The following LDB2 variants were observed in gnomAD, a reference collection of about 807,000 sequenced individuals.
LDB2 encodes LIM domain binding 2, also known as LIM domain-binding protein 2.
In LDB2, 12 loss-of-function variants were observed where a neutral mutation model predicts 44.3. The observed-to-expected ratio is 0.27, with a 90% CI of 0.17 to 0.44. The LOEUF (loss-of-function observed/expected upper bound fraction) is 0.44. LDB2 is among the 20% of genes least tolerant of loss of function. The probability of loss-of-function intolerance (pLI) is 1.00; values close to 1 mark genes in which losing one functional copy is unlikely to be tolerated. For missense variants in LDB2, 344 were observed against 473.5 expected (o/e 0.73, Z 2.54); for synonymous variants, 164 against 174.8 (o/e 0.94, Z 0.49).
chr4:16,692,393 T>A (rs1378960533), intron 2 of LDB2, among the ~76,000 whole-genome samples: 2 of 152,138 alleles, frequency 1.3e-5, no homozygotes, highest in Admixed American at 1.3e-4. Context: ...AGGTATGACC[T>A]TGCCCTTAGG....
chr4:16,732,273 T>C (rs1246661416), intron 2 of LDB2, among the ~76,000 whole-genome samples: 1 of 152,200 alleles, frequency 6.6e-6, no homozygotes. Context: ...TTATTAGTTA[T>C]GCATTTCAAT....
At chr4:16,593,322 T>TA (rs1374450803) in intron 3 of LDB2, among the ~76,000 whole-genome samples, 1 of 152,154 alleles carries the variant, frequency 6.6e-6, no homozygotes, top group Non-Finnish European at 1.5e-5. Flanking sequence ...TTTTTCTTTG[T>TA]AAAAAGGTCT....
chr4:16,549,381 G>A (rs1312931579), intron 5 of LDB2, among the ~76,000 whole-genome samples: 4 of 152,184 alleles, frequency 2.6e-5, no homozygotes, highest in East Asian at 1.9e-4. Flanking sequence ...TGAGGAATGA[G>A]TAGGAAAATA....
At chr4:16,677,198 T>A (rs1242844816) in intron 2 of LDB2, among the ~76,000 whole-genome samples, 2 of 152,036 alleles carry the variant, frequency 1.3e-5, no homozygotes, top group Non-Finnish European at 2.9e-5. Context: ...AGGAAGAAGA[T>A]GAATGGATAA....
chr4:16,897,988 A>T (rs1725822295), intron 1 of LDB2, among the ~76,000 whole-genome samples: 1 of 129,308 alleles, frequency 7.7e-6, no homozygotes, highest in Non-Finnish European at 1.6e-5. Context: ...ATATGTATAT[A>T]TATATATAGC....
At chr4:16,788,529 T>C (rs768617736) in intron 1 of LDB2, among the ~76,000 whole-genome samples, 1 of 152,226 alleles carries the variant, frequency 6.6e-6, no homozygotes, top group Admixed American at 6.5e-5. Flanking sequence ...ACACTTTAGA[T>C]CCCAGACTGG....
intron 2 of LDB2, among the ~76,000 whole-genome samples, chr4:16,730,749 C>A (rs1214338742): frequency 6.6e-6 from 1 of 152,150 alleles, no homozygotes; most frequent in African/African-American, 2.4e-5. Flanking sequence ...ATAGTTTCAT[C>A]TTCTCTCATA....
chr4:16,762,576 G>C (rs157483), intron 1 of LDB2, among the ~76,000 whole-genome samples: 4 of 152,000 alleles, frequency 2.6e-5, no homozygotes, highest in South Asian at 2.1e-4. Context: ...ATCAGATCTC[G>C]TGAGAACTAA....
At chr4:16,833,605 C>T (rs1050332801) in intron 1 of LDB2, among the ~76,000 whole-genome samples, 13 of 150,054 alleles carry the variant, frequency 8.7e-5, no homozygotes, top group African/African-American at 2.2e-4. Context: ...TGCAGTGGCG[C>T]GATCTCTGCT....
intron 1 of LDB2, among the ~76,000 whole-genome samples, chr4:16,856,016 A>G (rs1789284413): frequency 6.6e-6 from 1 of 152,186 alleles, no homozygotes; most frequent in African/African-American, 2.4e-5. Flanking sequence ...AACAAAGAAT[A>G]TTTATATTTA....
rs202007761 is a variant in LDB2 at position 16,852,071 on chromosome 4, T to G, written c.132+46283A>C. Among the ~76,000 whole-genome samples, 14 of 152,234 alleles carry G rather than the reference T, an allele frequency of 9.2e-5. No homozygotes were observed. In the East Asian group the frequency reaches 2.7e-3, roughly 30 times the overall value. On this transcript the variant is annotated intron_variant, in intron 1 of 7. Coordinates refer to ENST00000304523, the MANE Select transcript of LDB2 (RefSeq NM_001290.5). ...AATCCTGATCCTCTCATGTTCCAGC[T>G]TTGTGATCTCAGACAAGACTCATTT...
chr4:16,638,078 T>G (rs1734091795), intron 2 of LDB2, among the ~76,000 whole-genome samples: 1 of 152,198 alleles, frequency 6.6e-6, no homozygotes, highest in African/African-American at 2.4e-5. Flanking sequence ...AAACATAAAA[T>G]GCTTACTAGA....
chr4:16,629,140 C>G (rs1447003875), intron 2 of LDB2, among the ~76,000 whole-genome samples: 1 of 152,180 alleles, frequency 6.6e-6, no homozygotes, highest in Non-Finnish European at 1.5e-5. Context: ...CTGGGTAGAG[C>G]CCACCACAGA....
In LDB2 at chr4:16,502,081, C is replaced by T. The variant is rs1560284071; in HGVS notation, c.*562G>A. 2 of 153,180 alleles carry T rather than the reference C, an allele frequency of 1.3e-5. No individual in the cohort carries two copies. The highest frequency in any genetic ancestry group is 2.9e-5 in the Non-Finnish European group (2 of 68,642). 9.5% of individuals were successfully genotyped at this position (153,180 alleles called of 1,614,324 possible). A position where few individuals can be genotyped will look rare whatever the true frequency, so the allele number is the denominator to read the frequency against. On this transcript the variant is annotated 3_prime_UTR_variant, in exon 8 of 8. Coordinates refer to ENST00000304523, the MANE Select transcript of LDB2 (RefSeq NM_001290.5). ...ACCATAAATTACCTTGCTGGGCCCT[C>T]TTAGCTGTTGCCCAATGAAAGAAAA...
chr4:16,816,648 C>G (rs944811846), intron 1 of LDB2, among the ~76,000 whole-genome samples: 1 of 151,880 alleles, frequency 6.6e-6, no homozygotes, highest in Non-Finnish European at 1.5e-5. Flanking sequence ...TGACCTCAAG[C>G]GATCCGCCCG....
At chr4:16,846,071 G>A (rs1183084418) in intron 1 of LDB2, among the ~76,000 whole-genome samples, 3 of 146,724 alleles carry the variant, frequency 2.0e-5, no homozygotes, top group Non-Finnish European at 4.5e-5. Flanking sequence ...CTGAGATCAC[G>A]CCACTGCACT....
intron 2 of LDB2, among the ~76,000 whole-genome samples, chr4:16,625,714 C>T (rs540999400): frequency 2.0e-5 from 3 of 152,286 alleles, no homozygotes; most frequent in South Asian, 2.1e-4. Flanking sequence ...TGAAAACTTA[C>T]GGAAGTTTAA....
intron 1 of LDB2, among the ~76,000 whole-genome samples, chr4:16,778,313 C>T (rs956757817): frequency 3.9e-5 from 6 of 152,146 alleles, no homozygotes; most frequent in African/African-American, 9.7e-5. Flanking sequence ...GCATGCAAGA[C>T]AAATATGCTG....
At chr4:16,524,960 A>T (rs921279338) in intron 5 of LDB2, among the ~76,000 whole-genome samples, 1 of 152,214 alleles carries the variant, frequency 6.6e-6, no homozygotes, top group African/African-American at 2.4e-5. Flanking sequence ...GTAAGGTAAT[A>T]TTTAAACACT....
Sources: allele counts gnomAD v4.1 joint callset (sites outside exome capture counted in the v4.1 genomes callset), GRCh38; gene constraint gnomAD v4.1.1; transcripts MANE v1.5; gene names NCBI Gene and HGNC (gene_info 2026-07-23, HGNC 2026-07-21).